The following NFIL3 variants were observed in gnomAD, a reference collection of about 807,000 sequenced individuals.
The protein encoded by NFIL3 is nuclear factor, interleukin 3 regulated.
Under a neutral mutation model 10.0 loss-of-function variants are expected in NFIL3, and 5 were observed. The observed-to-expected ratio is 0.50, with a 90% confidence interval of 0.26 to 1.06. The LOEUF is 1.06. Among genes scored for constraint, NFIL3 ranks in the 50% least tolerant of loss-of-function variants. The probability of loss-of-function intolerance (pLI) is 0.13; values close to 1 mark genes in which losing one functional copy is unlikely to be tolerated. For synonymous variants in NFIL3, 202 were observed against 206.5 expected (o/e 0.98, Z 0.19); for missense variants, 436 against 547.6 (o/e 0.80, Z 2.03).
chr9:91,423,443 G>C (rs1407110976), intron 1 of NFIL3, among the ~76,000 whole-genome samples, 197 bp downstream of exon 1: 1 of 151,996 alleles, frequency 6.6e-6, no homozygotes, highest in Non-Finnish European at 1.5e-5. Flanking sequence ...CCACCTTAAG[G>C]TGGCGAGTCC....
chr9:91,449,039 G>C, the NFIL3 span, among the ~76,000 whole-genome samples: 3 of 152,008 alleles, frequency 2.0e-5, no homozygotes, highest in African/African-American at 7.2e-5. Context: ...TTCATTGCTG[G>C]TATATAGAAA....
the NFIL3 span, among the ~76,000 whole-genome samples, chr9:91,481,884 T>G: frequency 1.8e-4 from 28 of 152,286 alleles, no homozygotes; most frequent in East Asian, 4.2e-3. Flanking sequence ...AAATAATTAC[T>G]AACGATCAAT....
chr9:91,474,553 A>G, the NFIL3 span, among the ~76,000 whole-genome samples: 1 of 152,226 alleles, frequency 6.6e-6, no homozygotes, highest in Admixed American at 6.5e-5. Flanking sequence ...ATGATCTAAT[A>G]AGAGTTGTTT....
At chr9:91,466,903 G>T in the NFIL3 span, among the ~76,000 whole-genome samples, 1 of 152,118 alleles carries the variant, frequency 6.6e-6, no homozygotes, top group Non-Finnish European at 1.5e-5. Context: ...TTTTTTAGGC[G>T]AGATTCATAC....
chr9:91,466,861 C>G, the NFIL3 span, among the ~76,000 whole-genome samples: 2 of 152,128 alleles, frequency 1.3e-5, no homozygotes, highest in Non-Finnish European at 2.9e-5. Context: ...GATATTTAGT[C>G]AAATACTCTC....
At chr9:91,447,335 G>T in the NFIL3 span, among the ~76,000 whole-genome samples, 8 of 152,238 alleles carry the variant, frequency 5.3e-5, no homozygotes, top group African/African-American at 1.7e-4. Flanking sequence ...ATTCCTTTGG[G>T]TATTGAGATT....
At chr9:91,411,056 A>G (rs907379645) in intron 1 of NFIL3, 150 bp from the exon 2 acceptor site, 1 of 421,252 alleles carries the variant, frequency 2.4e-6, no homozygotes, top group Admixed American at 4.0e-5. Context: ...TAGCATTTTC[A>G]AAAAGGAAAT....
the NFIL3 span, among the ~76,000 whole-genome samples, chr9:91,472,490 T>C: frequency 1.3e-5 from 2 of 152,230 alleles, no homozygotes; most frequent in African/African-American, 2.4e-5. Flanking sequence ...TTCCACTTGA[T>C]TGAATCAGCT....
At chr9:91,462,114 A>G in the NFIL3 span, among the ~76,000 whole-genome samples, 2 of 152,192 alleles carry the variant, frequency 1.3e-5, no homozygotes, top group African/African-American at 4.8e-5. Flanking sequence ...TTGAGTATAT[A>G]TGTTACTACA....
chr9:91,414,277 C>G (rs1206330715), intron 1 of NFIL3, among the ~76,000 whole-genome samples: 1 of 152,224 alleles, frequency 6.6e-6, no homozygotes, highest in Non-Finnish European at 1.5e-5. Context: ...GATCTTGGCT[C>G]ACCGCAACCT....
chr9:91,430,135 T>A, the NFIL3 span, among the ~76,000 whole-genome samples: 1 of 152,210 alleles, frequency 6.6e-6, no homozygotes, highest in South Asian at 2.1e-4. Flanking sequence ...CAAATACTTG[T>A]GCCTGTGCAT....
At chr9:91,475,133 T>C in the NFIL3 span, among the ~76,000 whole-genome samples, 4 of 152,230 alleles carry the variant, frequency 2.6e-5, no homozygotes, top group Non-Finnish European at 5.9e-5. Flanking sequence ...CATTCATTGT[T>C]ATCATTTCTC....
At chr9:91,429,813 TCA>T in the NFIL3 span, among the ~76,000 whole-genome samples, 13 of 152,048 alleles carry the variant, frequency 8.5e-5, no homozygotes, top group African/African-American at 2.9e-4. Flanking sequence ...TCTCGGGCAG[TCA>T]CCAGGAATTG....
At chr9:91,477,269 A>G in the NFIL3 span, among the ~76,000 whole-genome samples, 1 of 152,126 alleles carries the variant, frequency 6.6e-6, no homozygotes, top group Admixed American at 6.6e-5. Flanking sequence ...TCCTTGACAC[A>G]TGTCACTCTC....
At chr9:91,479,847 G>A in the NFIL3 span, among the ~76,000 whole-genome samples, 1 of 152,160 alleles carries the variant, frequency 6.6e-6, no homozygotes, top group Non-Finnish European at 1.5e-5. Context: ...GTAGTATCTG[G>A]GCCAGAGTAC....
rs34945709 is a variant in NFIL3 at position 91,409,645 on chromosome 9, C to T, written c.1090G>A (p.Glu364Lys). 21 of 1,614,024 alleles carry T rather than the reference C, an allele frequency of 1.3e-5. No homozygotes were observed. Among genetic ancestry groups the T allele is most frequent in the Admixed American group, 1.0e-4 (6 of 59,998 alleles). The change falls in exon 2 of 2, where the codon GAA becomes AAA. Residue 364 changes from glutamate to lysine, a missense_variant. By Grantham distance (56) the Glu-to-Lys change is moderately conservative. Coordinates refer to ENST00000297689, the MANE Select transcript of NFIL3 (RefSeq NM_005384.3). ...CTTGGGGCACTATGCTTTTCGAGTT[C>T]GAAATGTCTTTTAGATGTCATGTCA... The part of the protein sequence containing the change: ...PIDMTSKRHF[E>K]LEKHSAPSMV...
upstream of NFIL3, among the ~76,000 whole-genome samples, chr9:91,425,309 T>C (rs1371418608): frequency 6.6e-6 from 1 of 152,218 alleles, no homozygotes; most frequent in Non-Finnish European, 1.5e-5. Context: ...CAAGATTGTC[T>C]TTTCTACCTT....
At chr9:91,434,258 A>G in the NFIL3 span, among the ~76,000 whole-genome samples, 1 of 152,168 alleles carries the variant, frequency 6.6e-6, no homozygotes, top group African/African-American at 2.4e-5. Flanking sequence ...CTTCTAAACA[A>G]TGGAACATAA....
At position 91,409,933 on chromosome 9, in the gene NFIL3, A is replaced by C. The variant is rs1327653967; in HGVS notation, c.802T>G (p.Ser268Ala). ...TCCGACGTTCTCGGGGAGTTGCTGG[A>C]GGATCGGTTGACTTGCAGTAGTGGG... Reference protein sequence around the residue: ...SPPLLQVNRSSSNSPRTSETD... With the variant: ...SPPLLQVNRSASNSPRTSETD... The change falls in exon 2 of 2, where the codon TCC (serine) becomes GCC (alanine). Residue 268 changes from serine to alanine, a missense_variant. Ser to Ala is a moderately conservative substitution (Grantham distance 99). Transcript: ENST00000297689. 1.2e-6 allele frequency: 2 copies of C among 1,613,714 alleles called. No individual in the cohort carries two copies. The highest frequency in any genetic ancestry group is 1.7e-6 in the Non-Finnish European group (2 of 1,180,008).
Sources: gnomAD v4.1 joint callset for allele counts (sites outside exome capture counted in the v4.1 genomes callset) on GRCh38, gnomAD v4.1.1 for gene constraint, MANE v1.5 for transcripts, NCBI Gene and HGNC (gene_info 2026-07-23, HGNC 2026-07-21) for gene names.